IGF1R: variants seen among roughly 807,000 people sequenced by gnomAD.
The protein encoded by IGF1R is insulin like growth factor 1 receptor.
In IGF1R, 44 loss-of-function variants were observed where a neutral mutation model predicts 144.6. The ratio of observed to expected loss-of-function variants is 0.30; its 90% CI spans 0.24 to 0.39. The LOEUF (loss-of-function observed/expected upper bound fraction) is 0.39, where lower values mean the gene tolerates loss of function less well. Among genes scored for constraint, IGF1R ranks in the 10% least tolerant of loss-of-function variants. IGF1R has a pLI of 1.00. For missense variants in IGF1R, 1,355 were observed against 1,833.7 expected, an observed-to-expected ratio of 0.74 and a Z score of 4.77; for synonymous variants, 795 against 722.8, an observed-to-expected ratio of 1.10 and a Z score of -1.60.
At chr15:98,830,254 C>T (rs1308275048) in intron 2 of IGF1R, among the ~76,000 whole-genome samples, 3 of 152,210 alleles carry the variant, frequency 2.0e-5, no homozygotes, top group Non-Finnish European at 4.4e-5. Flanking sequence ...GAACTCATCT[C>T]CTTTATGGCT....
chr15:98,743,000 G>T (rs1031984808), intron 2 of IGF1R, among the ~76,000 whole-genome samples: 3 of 152,210 alleles, frequency 2.0e-5, no homozygotes, highest in African/African-American at 4.8e-5. Context: ...TTGTGTCATT[G>T]CACTCCAGCG....
chr15:98,937,177 C>A (rs572571325), intron 17 of IGF1R, among the ~76,000 whole-genome samples: 1 of 152,166 alleles, frequency 6.6e-6, no homozygotes, highest in Admixed American at 6.5e-5. Context: ...TGAGCCGCTG[C>A]GCCTGGCCCT....
chr15:98,829,365 C>T lies in IGF1R; in HGVS notation c.641-61960C>T, dbSNP rs929053254. On this transcript the variant is annotated intron_variant, in intron 2 of 20. Transcript: ENST00000650285. ...TTTTCCAGAGTGAAAGCTGCTATTA[C>T]TTTAAAAAAAAAAAAACTTGAGGTT... Among the ~76,000 whole-genome samples, 7 of 110,764 alleles carry T rather than the reference C, an allele frequency of 6.3e-5. No homozygotes were observed. In the Admixed American group the frequency reaches 7.1e-4, roughly 11 times the overall value. The allele number at this position is 110,764 out of a possible 152,430, so 72.7% of individuals were successfully genotyped here.
At chr15:98,657,589 G>A (rs1259675128) in intron 1 of IGF1R, among the ~76,000 whole-genome samples, 2 of 152,218 alleles carry the variant, frequency 1.3e-5, no homozygotes, top group Admixed American at 1.3e-4. Flanking sequence ...AGGGAGATCT[G>A]CTGTGAGGCT....
At chr15:98,849,449 A>G (rs1393462491) in intron 2 of IGF1R, among the ~76,000 whole-genome samples, 1 of 152,226 alleles carries the variant, frequency 6.6e-6, no homozygotes, top group African/African-American at 2.4e-5. Flanking sequence ...AAACAAAACT[A>G]TGAAAGTCCT....
intron 2 of IGF1R, among the ~76,000 whole-genome samples, chr15:98,741,706 A>C (rs570487332): frequency 9.9e-5 from 15 of 152,272 alleles, no homozygotes; most frequent in African/African-American, 3.6e-4. Flanking sequence ...AGTCTTGCAG[A>C]GAGTTGTTGG....
At chr15:98,917,008 GA>G in intron 10 of IGF1R, 132 bp downstream of exon 10, 1 of 785,634 alleles carries the variant, frequency 1.3e-6, no homozygotes. Context: ...AGACGGAGCC[GA>G]AAAAGATGAC....
intron 1 of IGF1R, among the ~76,000 whole-genome samples, chr15:98,662,547 GGAAAGCATAT>G (rs1474569317): frequency 6.6e-6 from 1 of 152,088 alleles, no homozygotes. Flanking sequence ...TCTGCTCCAT[GGAAAGCATAT>G]GAAAGAATAT....
At chr15:98,848,169 T>C (rs1156929497) in intron 2 of IGF1R, among the ~76,000 whole-genome samples, 1 of 152,188 alleles carries the variant, frequency 6.6e-6, no homozygotes, top group Non-Finnish European at 1.5e-5. Context: ...GTATTTCAAG[T>C]TGGAACCTCT....
At chr15:98,924,372 T>C (rs2015618865) in intron 12 of IGF1R, among the ~76,000 whole-genome samples, 153 bp from the exon 13 acceptor site, 1 of 152,240 alleles carries the variant, frequency 6.6e-6, no homozygotes, top group Admixed American at 6.5e-5. Flanking sequence ...CCTTTTAAGA[T>C]TTGATTTCTT....
intron 1 of IGF1R, among the ~76,000 whole-genome samples, chr15:98,680,033 T>C (rs992832033): frequency 4.7e-5 from 7 of 150,438 alleles, no homozygotes; most frequent in Admixed American, 2.6e-4. Context: ...TTAAGAAAAA[T>C]AAAGTTTGTA....
At chr15:98,768,752 T>C (rs1389978586) in intron 2 of IGF1R, among the ~76,000 whole-genome samples, 16 of 17,726 alleles carry the variant, frequency 9.0e-4, no homozygotes, top group South Asian at 3.8e-3. Context: ...ACCCCGTCTC[T>C]ACTAAAAATA....
intron 20 of IGF1R, among the ~76,000 whole-genome samples, chr15:98,950,171 C>A (rs1389319515): frequency 6.6e-6 from 1 of 152,194 alleles, no homozygotes; most frequent in Non-Finnish European, 1.5e-5. Flanking sequence ...TGCATGAAGG[C>A]ACCCAGCTCC....
chr15:98,934,559 C>T (rs1229321786), intron 15 of IGF1R, among the ~76,000 whole-genome samples: 1 of 152,154 alleles, frequency 6.6e-6, no homozygotes, highest in African/African-American at 2.4e-5. Context: ...GACTTCCTTG[C>T]TTTGTTCTGG....
At chr15:98,837,998 G>A (rs1349007961) in intron 2 of IGF1R, among the ~76,000 whole-genome samples, 1 of 152,146 alleles carries the variant, frequency 6.6e-6, no homozygotes, top group Non-Finnish European at 1.5e-5. Flanking sequence ...GCCCATTTGA[G>A]AATTTACAAA....
At chr15:98,907,064 CTTG>C (rs988792486) in intron 5 of IGF1R, among the ~76,000 whole-genome samples, 5 of 152,312 alleles carry the variant, frequency 3.3e-5, no homozygotes, top group African/African-American at 4.8e-5. Flanking sequence ...GTGCATTCCC[CTTG>C]TTGTCCTACG....
intron 2 of IGF1R, among the ~76,000 whole-genome samples, chr15:98,766,434 C>A (rs1351821098): frequency 6.6e-6 from 1 of 152,076 alleles, no homozygotes; most frequent in Non-Finnish European, 1.5e-5. Flanking sequence ...TCTGAAAATT[C>A]CAATTTTATG....
intron 2 of IGF1R, among the ~76,000 whole-genome samples, chr15:98,760,684 G>C (rs1285400373): frequency 6.6e-6 from 1 of 152,208 alleles, no homozygotes; most frequent in Non-Finnish European, 1.5e-5. Context: ...GGCCAGACTG[G>C]CACCACTTGT....
chr15:98,677,664 G>T (rs1251587687), intron 1 of IGF1R, among the ~76,000 whole-genome samples: 1 of 152,190 alleles, frequency 6.6e-6, no homozygotes, highest in Non-Finnish European at 1.5e-5. Flanking sequence ...TTGTCCTCGT[G>T]AACACAAGAT....
Sources: gnomAD v4.1 joint callset for allele counts (sites outside exome capture counted in the v4.1 genomes callset) on GRCh38, gnomAD v4.1.1 for gene constraint, MANE v1.5 for transcripts, NCBI Gene and HGNC (gene_info 2026-07-23, HGNC 2026-07-21) for gene names.